The following DAB1 variants were observed in gnomAD, a reference collection of about 807,000 sequenced individuals.
DAB1 encodes DAB adaptor protein 1, also known as disabled homolog 1.
A neutral mutation model predicts 64.6 loss-of-function variants in DAB1; 15 were observed. The observed-to-expected ratio is 0.23, with a 90% CI of 0.16 to 0.36. The LOEUF (loss-of-function observed/expected upper bound fraction) is 0.36, where lower values mean the gene tolerates loss of function less well. Among genes scored for constraint, DAB1 ranks in the 10% least tolerant of loss-of-function variants. The pLI, the probability that DAB1 is intolerant of heterozygous loss-of-function variation, is 1.00. For missense variants in DAB1, 596 were observed against 706.7 expected (o/e 0.84, Z 1.78); for synonymous variants, 235 against 251.9 (o/e 0.93, Z 0.64).
intron 8 of DAB1, among the ~76,000 whole-genome samples, chr1:57,065,935 G>T (rs1479066194): frequency 1.4e-5 from 2 of 146,588 alleles, no homozygotes; most frequent in Non-Finnish European, 3.1e-5. Context: ...TCATTTATTT[G>T]TTCTATAAAT....
intron 3 of DAB1, among the ~76,000 whole-genome samples, chr1:58,450,708 C>T (rs1477064090): frequency 3.3e-5 from 5 of 152,132 alleles, no homozygotes; most frequent in South Asian, 4.1e-4. Flanking sequence ...GAGCTGAGAT[C>T]GCGCCACTGC....
intron 6 of DAB1, among the ~76,000 whole-genome samples, chr1:57,652,111 C>G (rs959979224): frequency 6.6e-6 from 1 of 152,158 alleles, no homozygotes; most frequent in African/African-American, 2.4e-5. Flanking sequence ...CAAATAATTG[C>G]CAGCTATTAT....
At chr1:58,483,509 C>T (rs1024505039) in intron 3 of DAB1, among the ~76,000 whole-genome samples, 3 of 152,120 alleles carry the variant, frequency 2.0e-5, no homozygotes, top group Non-Finnish European at 1.5e-5. Context: ...CATTACTTAA[C>T]GTGAAATTCT....
chr1:57,081,602 G>C (rs1652562903), intron 4 of DAB1, among the ~76,000 whole-genome samples: 1 of 152,076 alleles, frequency 6.6e-6, no homozygotes, highest in South Asian at 2.1e-4. Context: ...GGTCGCTTAA[G>C]ACTTTTTGAG....
At chr1:57,748,847 T>C (rs1648413245) in intron 6 of DAB1, among the ~76,000 whole-genome samples, 1 of 152,248 alleles carries the variant, frequency 6.6e-6, no homozygotes, top group East Asian at 1.9e-4. Flanking sequence ...GGCATGCTAA[T>C]GAATGGAAAT....
intron 2 of DAB1, among the ~76,000 whole-genome samples, chr1:57,272,072 C>G (rs1247089032): frequency 6.6e-6 from 1 of 152,178 alleles, no homozygotes; most frequent in South Asian, 2.1e-4. Context: ...ATAAATAACT[C>G]TGGAGAGACT....
chr1:57,796,172 G>A (rs1453533889), intron 6 of DAB1, among the ~76,000 whole-genome samples: 1 of 152,078 alleles, frequency 6.6e-6, no homozygotes, highest in Non-Finnish European at 1.5e-5. Flanking sequence ...ATTCACTTTA[G>A]TTTCATTCCA....
chr1:57,128,043 A>G (rs927196973), intron 4 of DAB1, among the ~76,000 whole-genome samples: 1 of 152,074 alleles, frequency 6.6e-6, no homozygotes, highest in Non-Finnish European at 1.5e-5. Flanking sequence ...GCTGCACAGG[A>G]GGCTGAGGCA....
Position 57,225,903 on chromosome 1 carries a change from A to AG in DAB1, c.67+65060_67+65061insC, listed in dbSNP as rs372436098. Reference sequence around the variant, plus strand: ...TAACTTTTAATAATAATGTAAAAAAATTTACATATCACCTAATATTGTTCC... The same window carrying AG: ...TAACTTTTAATAATAATGTAAAAAAAGTTTACATATCACCTAATATTGTTCC... On this transcript the variant is annotated intron_variant, in intron 2 of 14. Coordinates refer to ENST00000371236, the MANE Select transcript of DAB1 (RefSeq NM_001365792.1). Among the ~76,000 whole-genome samples the AG allele has an allele frequency of 5.2e-3, 788 of 152,270 alleles. 7 individuals carry two copies. The highest frequency in any genetic ancestry group is 0.018 in the African/African-American group (753 of 41,558).
At chr1:57,063,057 G>A in intron 8 of DAB1, 114 bp from the exon 9 acceptor site, 1 of 848,788 alleles carries the variant, frequency 1.2e-6, no homozygotes, top group Non-Finnish European at 1.9e-6. Flanking sequence ...AATGGCCCCA[G>A]GGACAAGCCC....
intron 6 of DAB1, among the ~76,000 whole-genome samples, chr1:57,721,699 G>C (rs1481637910): frequency 6.6e-6 from 1 of 152,180 alleles, no homozygotes; most frequent in East Asian, 1.9e-4. Context: ...TAGGAAATGG[G>C]ACCAGGGCCA....
At chr1:58,406,297 C>T (rs190760948) in intron 3 of DAB1, among the ~76,000 whole-genome samples, 4 of 152,250 alleles carry the variant, frequency 2.6e-5, no homozygotes, top group East Asian at 3.9e-4. Context: ...TAAATGGAGC[C>T]GGAAATCTTA....
chr1:57,201,972 A>AAGT (rs1665141137), intron 2 of DAB1, among the ~76,000 whole-genome samples: 3 of 152,206 alleles, frequency 2.0e-5, no homozygotes, highest in Non-Finnish European at 4.4e-5. Flanking sequence ...AGGAACAGGA[A>AAGT]AGTATTCAAG....
intron 5 of DAB1, among the ~76,000 whole-genome samples, chr1:58,106,583 GCCAACC>G (rs1175363111): frequency 2.6e-5 from 4 of 152,130 alleles, no homozygotes; most frequent in Non-Finnish European, 5.9e-5. Flanking sequence ...GAAGTGACTT[GCCAACC>G]CCAGGGAGCT....
At chr1:57,908,820 T>C (rs371676416) in intron 5 of DAB1, among the ~76,000 whole-genome samples, 7 of 152,306 alleles carry the variant, frequency 4.6e-5, no homozygotes, top group Admixed American at 3.3e-4. Flanking sequence ...CTGCAAATCA[T>C]GGAGGCATAT....
chr1:58,433,791 T>C (rs1464267863), intron 3 of DAB1, among the ~76,000 whole-genome samples: 2 of 152,152 alleles, frequency 1.3e-5, no homozygotes, highest in South Asian at 2.1e-4. Context: ...AGAGCACTCA[T>C]GACCTAATCA....
intron 6 of DAB1, among the ~76,000 whole-genome samples, chr1:57,744,879 C>T (rs1281261678): frequency 2.0e-5 from 3 of 152,110 alleles, no homozygotes; most frequent in Non-Finnish European, 4.4e-5. Flanking sequence ...ACTATTAGTT[C>T]CACCTGCAAT....
intron 6 of DAB1, among the ~76,000 whole-genome samples, chr1:57,685,265 C>T (rs1646682463): frequency 6.6e-6 from 1 of 151,296 alleles, no homozygotes; most frequent in Non-Finnish European, 1.5e-5. Context: ...AGTTGCTATT[C>T]TTATACTAGA....
chr1:57,230,168 T>C (rs764810193), intron 2 of DAB1, among the ~76,000 whole-genome samples: 44 of 152,194 alleles, frequency 2.9e-4, no homozygotes, highest in Non-Finnish European at 1.9e-4. Flanking sequence ...TCTTTAACTC[T>C]CATTCTGACT....
Sources: allele counts gnomAD v4.1 joint callset (sites outside exome capture counted in the v4.1 genomes callset), GRCh38; gene constraint gnomAD v4.1.1; transcripts MANE v1.5; gene names NCBI Gene and HGNC (gene_info 2026-07-23, HGNC 2026-07-21).